The following TCF24 variants were observed in gnomAD, a reference collection of about 807,000 sequenced individuals.
TCF24 encodes transcription factor 24.
A neutral mutation model predicts 9.3 loss-of-function variants in TCF24; 5 were observed. The ratio of observed to expected loss-of-function variants is 0.54; its 90% CI spans 0.28 to 1.13. The LOEUF (loss-of-function observed/expected upper bound fraction) is 1.13. Among genes scored for constraint, TCF24 ranks in the 50% most tolerant of loss-of-function variants. The pLI is 0.09. For synonymous variants in TCF24, 110 were observed against 115.8 expected (o/e 0.95, Z 0.32); for missense variants, 220 against 236.1 (o/e 0.93, Z 0.45).
At chr8:66,949,197 G>A (rs1245189262) in intron 3 of TCF24, among the ~76,000 whole-genome samples, 1 of 151,630 alleles carries the variant, frequency 6.6e-6, no homozygotes. Flanking sequence ...CTGGTGCGCT[G>A]CACCCACTAA....
intron 3 of TCF24, among the ~76,000 whole-genome samples, chr8:66,958,994 A>G (rs2130902130): frequency 6.6e-6 from 1 of 152,338 alleles, no homozygotes; most frequent in South Asian, 2.1e-4. Flanking sequence ...TTTTTGAGAC[A>G]GGGTCTTGCT....
At chr8:66,952,643 G>A (rs376218312) in intron 3 of TCF24, among the ~76,000 whole-genome samples, 1 of 148,940 alleles carries the variant, frequency 6.7e-6, no homozygotes, top group African/African-American at 2.5e-5. Flanking sequence ...CAATTCCTGG[G>A]TATCCTTGTT....
intron 3 of TCF24, 100 bp from the exon 4 acceptor site, chr8:66,948,264 G>A (rs1032651633): frequency 1.5e-5 from 10 of 674,150 alleles, no homozygotes; most frequent in Non-Finnish European, 1.8e-5. Flanking sequence ...CAATGCAAAT[G>A]CAATATTATG....
intron 3 of TCF24, among the ~76,000 whole-genome samples, chr8:66,956,514 C>T (rs940145485): frequency 6.6e-6 from 1 of 152,060 alleles, no homozygotes; most frequent in Non-Finnish European, 1.5e-5. Flanking sequence ...AGGCATGTGC[C>T]ACCATGCCCG....
At chr8:66,952,950 A>T (rs1409152734) in intron 3 of TCF24, among the ~76,000 whole-genome samples, 1 of 130,836 alleles carries the variant, frequency 7.6e-6, no homozygotes, top group East Asian at 2.3e-4. Context: ...TTTGCTTGGT[A>T]GATCTTCCTC....
At chr8:66,954,802 C>G (rs990211241) in intron 3 of TCF24, among the ~76,000 whole-genome samples, 1 of 152,260 alleles carries the variant, frequency 6.6e-6, no homozygotes, top group Non-Finnish European at 1.5e-5. Flanking sequence ...CGTGGTGTGC[C>G]GTTTTTTAAG....
intron 3 of TCF24, 112 bp downstream of exon 3, chr8:66,961,264 T>G (rs1585947590): frequency 7.8e-7 from 1 of 1,283,788 alleles, no homozygotes; most frequent in African/African-American, 1.6e-5. Flanking sequence ...CCGGTCGGCT[T>G]CCCGCCTCAC....
chr8:66,948,923 T>G (rs1814010626), intron 3 of TCF24, among the ~76,000 whole-genome samples: 1 of 152,162 alleles, frequency 6.6e-6, no homozygotes, highest in African/African-American at 2.4e-5. Flanking sequence ...CTTGAACTCC[T>G]GACCTCAAGT....
chr8:66,954,110 T>A (rs1409354692), intron 3 of TCF24, among the ~76,000 whole-genome samples: 1 of 152,256 alleles, frequency 6.6e-6, no homozygotes, highest in Non-Finnish European at 1.5e-5. Context: ...AAAGTCATTC[T>A]CCATCCAGCT....
chr8:66,949,768 T>C (rs1264371632), intron 3 of TCF24, among the ~76,000 whole-genome samples: 2 of 151,008 alleles, frequency 1.3e-5, no homozygotes, highest in African/African-American at 2.4e-5. Context: ...CCAGCACCTG[T>C]TGTTTCCTGA....
intron 3 of TCF24, among the ~76,000 whole-genome samples, chr8:66,956,975 C>A (rs994378404): frequency 6.6e-6 from 1 of 151,642 alleles, no homozygotes; most frequent in Non-Finnish European, 1.5e-5. Context: ...GAGACTGAGG[C>A]GGGCAGATTA....
intron 3 of TCF24, among the ~76,000 whole-genome samples, chr8:66,960,381 T>C (rs1328966128): frequency 6.6e-6 from 1 of 152,140 alleles, no homozygotes; most frequent in African/African-American, 2.4e-5. Context: ...TGAACACTGA[T>C]ATACTTAAAG....
chr8:66,948,516 C>G (rs76398307), intron 3 of TCF24, among the ~76,000 whole-genome samples: 13,701 of 152,160 alleles, frequency 0.09, 856 homozygotes, highest in East Asian at 0.24. Flanking sequence ...AAGACTAAAA[C>G]TAGATCCTGG....
intron 3 of TCF24, among the ~76,000 whole-genome samples, chr8:66,951,491 T>C (rs1814058061): frequency 1.3e-5 from 2 of 151,730 alleles, no homozygotes; most frequent in South Asian, 4.2e-4. Context: ...GGATTCGTTT[T>C]GCCAGTATTT....
Position 66,961,362 on chromosome 8 carries a change from C to T in TCF24, c.390+14G>A, listed in dbSNP as rs1424742327. 2 of 1,457,994 alleles carry T rather than the reference C, an allele frequency of 1.4e-6. No homozygotes were observed. The highest frequency in any genetic ancestry group is 1.5e-5 in the African/African-American group (1 of 68,368). 90.3% of individuals were successfully genotyped at this position (1,457,994 alleles called of 1,614,324 possible). A position where few individuals can be genotyped will look rare whatever the true frequency, so the allele number is the denominator to read the frequency against. ...GTCTCGGCCCCAGCCCCGCGGTGCG[C>T]CCCGCCCGCTTACCTTGACCGGGTG... On this transcript the variant is annotated intron_variant, in intron 3 of 3. Transcript: ENST00000563496.
intron 3 of TCF24, among the ~76,000 whole-genome samples, chr8:66,949,799 T>C (rs1273785894): frequency 2.7e-5 from 4 of 149,052 alleles, no homozygotes; most frequent in Middle Eastern, 3.5e-3. Context: ...ATTGCCATTC[T>C]AACTGGTGTG....
intron 3 of TCF24, among the ~76,000 whole-genome samples, chr8:66,956,643 T>C (rs997895016): frequency 4.6e-5 from 7 of 152,162 alleles, no homozygotes; most frequent in Non-Finnish European, 1.0e-4. Context: ...GATTACAGTG[T>C]AAGCCACCAC....
chr8:66,957,598 G>A (rs1394238097), intron 3 of TCF24, among the ~76,000 whole-genome samples: 2 of 151,918 alleles, frequency 1.3e-5, no homozygotes, highest in Non-Finnish European at 2.9e-5. Flanking sequence ...AATTTCTGTT[G>A]TTTAAAAGAG....
In TCF24 at chr8:66,947,340, G is replaced by A. The variant is rs182243097; in HGVS notation, c.*711C>T. The A allele has an allele frequency of 7.9e-5, 12 of 152,318 alleles. No homozygotes were observed. The highest frequency in any genetic ancestry group is 2.2e-4 in the African/African-American group (9 of 41,544). The allele number at this position is 152,318 out of a possible 1,614,324, so 9.4% of individuals were successfully genotyped here. A position where few individuals can be genotyped will look rare whatever the true frequency, so the allele number is the denominator to read the frequency against. On this transcript the variant is annotated 3_prime_UTR_variant, in exon 4 of 4. Coordinates refer to ENST00000563496, the MANE Select transcript of TCF24 (RefSeq NM_001193502.2). ...CTACAAAAAATAAAAGAATTAGCCAGGTGTGGTGACATGCACCTACATTGT... is the reference window on the plus strand; with the variant it reads ...CTACAAAAAATAAAAGAATTAGCCAAGTGTGGTGACATGCACCTACATTGT...
Sources: gnomAD v4.1 joint callset for allele counts (sites outside exome capture counted in the v4.1 genomes callset) on GRCh38, gnomAD v4.1.1 for gene constraint, MANE v1.5 for transcripts, NCBI Gene and HGNC (gene_info 2026-07-23, HGNC 2026-07-21) for gene names.